BNC2: variants seen among roughly 807,000 people sequenced by gnomAD.
The protein encoded by BNC2 is zinc finger protein basonuclin-2.
A neutral mutation model predicts 76.3 loss-of-function variants in BNC2; 20 were observed. The observed-to-expected ratio is 0.26, with a 90% confidence interval of 0.18 to 0.38. The LOEUF is 0.38. Among genes scored for constraint, BNC2 ranks in the 10% least tolerant of loss-of-function variants. The pLI, the probability that BNC2 is intolerant of heterozygous loss-of-function variation, is 1.00. For missense variants in BNC2, 1,382 were observed against 1,399.8 expected, an observed-to-expected ratio of 0.99 and a Z score of 0.20; for synonymous variants, 582 against 514.8, an observed-to-expected ratio of 1.13 and a Z score of -1.77.
At chr9:16,702,081 G>A (rs1307805589) in intron 3 of BNC2, among the ~76,000 whole-genome samples, 1 of 151,908 alleles carries the variant, frequency 6.6e-6, no homozygotes, top group Non-Finnish European at 1.5e-5. Flanking sequence ...TAGTTCCTAA[G>A]TCCTTAACTA....
At chr9:16,813,327 G>A (rs1456908140) in intron 1 of BNC2, among the ~76,000 whole-genome samples, 3 of 151,372 alleles carry the variant, frequency 2.0e-5, no homozygotes, top group South Asian at 4.2e-4. Flanking sequence ...GTGCAGTGGT[G>A]CGATCTCGGC....
chr9:16,505,132 G>A lies in BNC2; in HGVS notation c.669+47398C>T, dbSNP rs1427301210. On this transcript the variant is annotated intron_variant, in intron 5 of 6. Coordinates refer to ENST00000380672, the MANE Select transcript of BNC2 (RefSeq NM_017637.6). ...GAACCTATCTTCTGGGAAGATAAATGAGATAAAATGTATAAATGAGATAAA... is the reference window on the plus strand; with the variant it reads ...GAACCTATCTTCTGGGAAGATAAATAAGATAAAATGTATAAATGAGATAAA... 6.6e-5 allele frequency among the ~76,000 whole-genome samples: 10 copies of A among 152,162 alleles called. No homozygotes were observed. In the East Asian group the frequency reaches 1.7e-3, roughly 26 times the overall value.
At chr9:16,605,178 G>T (rs1008509574) in intron 3 of BNC2, among the ~76,000 whole-genome samples, 1 of 152,324 alleles carries the variant, frequency 6.6e-6, no homozygotes, top group African/African-American at 2.4e-5. Flanking sequence ...CAATAAATTA[G>T]TAGAGAATGA....
intron 3 of BNC2, among the ~76,000 whole-genome samples, chr9:16,659,533 A>T (rs532316393): frequency 1.3e-5 from 2 of 149,824 alleles, no homozygotes; most frequent in Non-Finnish European, 3.0e-5. Context: ...GCTTGAACCC[A>T]GGAGGCGGAA....
chr9:16,507,765 A>T (rs1822663237), intron 5 of BNC2, among the ~76,000 whole-genome samples: 1 of 152,144 alleles, frequency 6.6e-6, no homozygotes, highest in South Asian at 2.1e-4. Flanking sequence ...CAACTTGCTC[A>T]TATAGTAGGT....
intron 4 of BNC2, among the ~76,000 whole-genome samples, chr9:16,579,591 T>C (rs1819575222): frequency 6.6e-6 from 1 of 152,136 alleles, no homozygotes; most frequent in African/African-American, 2.4e-5. Context: ...CAGCTTTTAA[T>C]TTTTTAGAAA....
chr9:16,412,748 AGAGAGAGAGAGAGAGAGACT>A lies in BNC2; in HGVS notation c.*6221_*6240del, dbSNP rs1234502615. On this transcript the variant is annotated 3_prime_UTR_variant, in exon 7 of 7. Coordinates refer to ENST00000380672, the MANE Select transcript of BNC2 (RefSeq NM_017637.6). ...GAGAGAGAGAGAGAGAGAGAGAGAG[AGAGAGAGAGAGAGAGAGACT>A]GACTGATTGTGGATGTGTGTGTACA... 3.1e-3 allele frequency: 460 copies of A among 150,716 alleles called. 2 individuals are homozygous for A. Among genetic ancestry groups the A allele is most frequent in the African/African-American group, 0.011 (429 of 40,726 alleles). The allele number at this position is 150,716 out of a possible 1,614,324, so 9.3% of individuals were successfully genotyped here.
chr9:16,441,084 G>C (rs951800077), intron 5 of BNC2, among the ~76,000 whole-genome samples: 1 of 152,128 alleles, frequency 6.6e-6, no homozygotes, highest in African/African-American at 2.4e-5. Flanking sequence ...CCGACATTTA[G>C]GAAGGCCAAG....
chr9:16,421,790 T>C (rs975737990), intron 6 of BNC2, among the ~76,000 whole-genome samples: 4 of 152,232 alleles, frequency 2.6e-5, no homozygotes, highest in African/African-American at 7.2e-5. Context: ...AATGTGGAAG[T>C]AGAGTTACGC....
At chr9:16,573,221 CAA>C (rs5896694) in intron 4 of BNC2, among the ~76,000 whole-genome samples, 1,572 of 96,540 alleles carry the variant, frequency 0.016, 35 homozygotes, top group African/African-American at 0.061. Context: ...GACCCTGTCT[CAA>C]AAAAAAAAAA....
At chr9:16,792,196 C>A (rs1362637833) in intron 1 of BNC2, among the ~76,000 whole-genome samples, 3 of 151,554 alleles carry the variant, frequency 2.0e-5, no homozygotes, top group Non-Finnish European at 2.9e-5. Flanking sequence ...TACAAATTTT[C>A]ACTTACAATC....
Position 16,790,069 on chromosome 9 carries a change from G to A in BNC2, c.4-51584C>T, listed in dbSNP as rs534096818. 2.2e-4 allele frequency among the ~76,000 whole-genome samples: 34 copies of A among 152,194 alleles called. 1 individual carries two copies. The highest frequency in any genetic ancestry group is 1.4e-3 in the East Asian group (7 of 5,160). The stretch of plus-strand genomic sequence containing the variant: ...GGCTGGAGTGCAGTGGCGCGATCTC[G>A]GCTCACTGCAAGCTCCGCCTCCCAG... On this transcript the variant is annotated intron_variant, in intron 1 of 6. Coordinates refer to ENST00000380672, the MANE Select transcript of BNC2 (RefSeq NM_017637.6).
chr9:16,452,633 C>T (rs902743093), intron 5 of BNC2, among the ~76,000 whole-genome samples: 2 of 152,106 alleles, frequency 1.3e-5, no homozygotes, highest in African/African-American at 4.8e-5. Flanking sequence ...TGGTCTTGAA[C>T]TTCTGACCTC....
chr9:16,536,023 A>C (rs542471124), intron 5 of BNC2, among the ~76,000 whole-genome samples: 1 of 152,288 alleles, frequency 6.6e-6, no homozygotes, highest in African/African-American at 2.4e-5. Context: ...ATCCTAGACC[A>C]ACCAACCCCA....
intron 1 of BNC2, among the ~76,000 whole-genome samples, chr9:16,805,019 G>C (rs1402073302): frequency 6.6e-6 from 1 of 151,908 alleles, no homozygotes; most frequent in Non-Finnish European, 1.5e-5. Flanking sequence ...CCGAGACCAC[G>C]CCATTGCACT....
intron 5 of BNC2, among the ~76,000 whole-genome samples, chr9:16,451,759 T>C (rs1250307085): frequency 6.6e-6 from 1 of 152,244 alleles, no homozygotes; most frequent in East Asian, 1.9e-4. Context: ...GCCCCTTCAG[T>C]GATCTGCTTA....
At chr9:16,854,367 A>G (rs1563972529) in intron 1 of BNC2, among the ~76,000 whole-genome samples, 1 of 152,194 alleles carries the variant, frequency 6.6e-6, no homozygotes, top group Non-Finnish European at 1.5e-5. Context: ...TTATTTTAGG[A>G]TGGAAAAGAG....
chr9:16,712,283 G>A (rs1180679526), intron 3 of BNC2, among the ~76,000 whole-genome samples: 1 of 152,130 alleles, frequency 6.6e-6, no homozygotes, highest in Non-Finnish European at 1.5e-5. Context: ...AGTAAATTGT[G>A]AGTAGATTTA....
chr9:16,551,407 A>G (rs1176151166), intron 5 of BNC2, among the ~76,000 whole-genome samples: 1 of 152,234 alleles, frequency 6.6e-6, no homozygotes, highest in Admixed American at 6.5e-5. Flanking sequence ...AACGAGAGGT[A>G]GACTGAGGCT....
Sources: allele counts gnomAD v4.1 joint callset (sites outside exome capture counted in the v4.1 genomes callset), GRCh38; gene constraint gnomAD v4.1.1; transcripts MANE v1.5; gene names NCBI Gene and HGNC (gene_info 2026-07-23, HGNC 2026-07-21).